Variants in IGF1R observed in about 807,000 individuals in gnomAD.
IGF1R encodes the protein insulin-like growth factor 1 receptor.
A neutral mutation model predicts 144.6 loss-of-function variants in IGF1R; 44 were observed. The observed-to-expected ratio is 0.30, with a 90% CI of 0.24 to 0.39. The LOEUF is 0.39. Ranked by LOEUF, IGF1R falls within the 10% of genes least tolerant of loss-of-function variation. The pLI is 1.00. For missense variants in IGF1R, 1,355 were observed against 1,833.7 expected, an observed-to-expected ratio of 0.74 and a Z score of 4.77; for synonymous variants, 795 against 722.8, an observed-to-expected ratio of 1.10 and a Z score of -1.60.
intron 2 of IGF1R, among the ~76,000 whole-genome samples, chr15:98,783,567 T>C (rs2055908692): frequency 6.6e-6 from 1 of 152,230 alleles, no homozygotes; most frequent in Non-Finnish European, 1.5e-5. Flanking sequence ...TCCATTTATT[T>C]AGTTTTTCTT....
At chr15:98,927,254 A>G (rs1020572018) in intron 13 of IGF1R, among the ~76,000 whole-genome samples, 3 of 151,976 alleles carry the variant, frequency 2.0e-5, no homozygotes, top group African/African-American at 7.3e-5. Context: ...GTCAGACAAG[A>G]CTCTGTCCTG....
At chr15:98,869,149 C>A (rs1320718518) in intron 2 of IGF1R, among the ~76,000 whole-genome samples, 12 of 151,970 alleles carry the variant, frequency 7.9e-5, no homozygotes, top group Admixed American at 7.9e-4. Flanking sequence ...TTCTTGTCAT[C>A]GTCTATTTAT....
In IGF1R at chr15:98,913,231, C is replaced by A. The variant is rs1367951678; in HGVS notation, c.1777C>A (p.His593Asn). ...GACCCTCACCATGGTGGAGAACGAC[C>A]ATATCCGTGGGGCCAAGAGTGAGAT... ...AVTLTMVEND[H>N]IRGAKSEILY... The change falls in exon 8 of 21, where the codon CAT becomes AAT. Residue 593 changes from histidine to asparagine, a missense_variant. By Grantham distance (68) the His-to-Asn change is moderately conservative. This residue lies in a region of IGF1R where 880 missense variants were observed against 1,202.7 expected (regional missense o/e 0.73). Transcript: ENST00000650285. 6.2e-7 allele frequency: 1 copy of A among 1,614,212 alleles called. No homozygotes were observed. Among genetic ancestry groups the A allele is most frequent in the African/African-American group, 1.3e-5 (1 of 75,062 alleles).
intron 2 of IGF1R, among the ~76,000 whole-genome samples, chr15:98,797,593 C>G (rs572951890): frequency 6.6e-6 from 1 of 152,312 alleles, no homozygotes; most frequent in South Asian, 2.1e-4. Context: ...CATGCACATG[C>G]ACCTGCAGGG....
At chr15:98,921,134 C>G (rs539402334) in intron 10 of IGF1R, among the ~76,000 whole-genome samples, 1 of 152,224 alleles carries the variant, frequency 6.6e-6, no homozygotes, top group African/African-American at 2.4e-5. Flanking sequence ...TGACCCCAGC[C>G]GAAGGCCTCA....
chr15:98,728,007 G>GT (rs10680958), intron 2 of IGF1R, among the ~76,000 whole-genome samples: 10,249 of 108,626 alleles, frequency 0.094, 920 homozygotes, highest in African/African-American at 0.22. Flanking sequence ...AAGATGCATT[G>GT]TTTTTTTTTT....
chr15:98,837,394 A>G (rs1278682172), intron 2 of IGF1R, among the ~76,000 whole-genome samples: 1 of 152,088 alleles, frequency 6.6e-6, no homozygotes, highest in Non-Finnish European at 1.5e-5. Context: ...GGCAGGCACC[A>G]CCACACCCAG....
intron 2 of IGF1R, among the ~76,000 whole-genome samples, chr15:98,882,898 G>GC (rs2013452030): frequency 6.6e-6 from 1 of 152,198 alleles, no homozygotes; most frequent in South Asian, 2.1e-4. Flanking sequence ...GTGTGGTCCA[G>GC]CCCCCTGACT....
intron 2 of IGF1R, among the ~76,000 whole-genome samples, chr15:98,823,906 GAGAA>G (rs1347629984): frequency 6.6e-6 from 1 of 152,160 alleles, no homozygotes; most frequent in Admixed American, 6.5e-5. Context: ...TATTCTGAGA[GAGAA>G]AGAGGGGGAA....
At chr15:98,902,475 T>C (rs2014532673) in intron 5 of IGF1R, among the ~76,000 whole-genome samples, 2 of 148,264 alleles carry the variant, frequency 1.3e-5, no homozygotes, top group South Asian at 4.3e-4. Context: ...TGGAGTGTAG[T>C]GGCGCTGTCT....
Position 98,916,975 on chromosome 15 carries a change from G to A in IGF1R, c.2201+99G>A, listed in dbSNP as rs56896394. 5 of 1,016,626 alleles carry A rather than the reference G, an allele frequency of 4.9e-6. 1 individual carries two copies. The African/African-American group carries it at 7.9e-5, about 16-fold the overall frequency. The allele number at this position is 1,016,626 out of a possible 1,614,324, so 63.0% of individuals were successfully genotyped here. On this transcript the variant is annotated intron_variant, in intron 10 of 20. Coordinates refer to ENST00000650285, the MANE Select transcript of IGF1R (RefSeq NM_000875.5). ...AGGTAGTGTGTAAGTCAGCAGCTGG[G>A]GGGTACAATACAGTAGCCACTGAGA...
chr15:98,743,351 G>A (rs1341293830), intron 2 of IGF1R, among the ~76,000 whole-genome samples: 1 of 152,154 alleles, frequency 6.6e-6, no homozygotes, highest in Non-Finnish European at 1.5e-5. Flanking sequence ...CTGGGCCAGT[G>A]AGTCACTCAT....
At chr15:98,867,214 A>G (rs1196468628) in intron 2 of IGF1R, among the ~76,000 whole-genome samples, 1 of 152,134 alleles carries the variant, frequency 6.6e-6, no homozygotes, top group Non-Finnish European at 1.5e-5. Context: ...CTTTAGGAAT[A>G]GATGATCCGT....
intron 2 of IGF1R, among the ~76,000 whole-genome samples, chr15:98,846,460 C>T (rs1305273022): frequency 6.6e-6 from 1 of 152,208 alleles, no homozygotes; most frequent in African/African-American, 2.4e-5. Context: ...GGGCCTGTAA[C>T]TCCAACTACA....
intron 1 of IGF1R, among the ~76,000 whole-genome samples, chr15:98,659,577 G>C (rs543568864): frequency 6.6e-6 from 1 of 152,162 alleles, no homozygotes; most frequent in Non-Finnish European, 1.5e-5. Context: ...TTGGATTAAG[G>C]TTACTCTACT....
intron 2 of IGF1R, among the ~76,000 whole-genome samples, chr15:98,741,672 T>G (rs2054749100): frequency 6.6e-6 from 1 of 152,218 alleles, no homozygotes. Context: ...TTTCTTCTTC[T>G]GTAGAGTCTT....
intron 1 of IGF1R, among the ~76,000 whole-genome samples, chr15:98,687,643 C>G (rs1180836959): frequency 6.6e-6 from 1 of 152,086 alleles, no homozygotes; most frequent in East Asian, 1.9e-4. Context: ...AGGGCTAGAC[C>G]AGGGTCCAGC....
At chr15:98,718,817 C>T (rs1199998468) in intron 2 of IGF1R, among the ~76,000 whole-genome samples, 1 of 152,166 alleles carries the variant, frequency 6.6e-6, no homozygotes, top group African/African-American at 2.4e-5. Flanking sequence ...AGAAATACTT[C>T]CTGGGCAGCC....
At chr15:98,746,645 A>G (rs1230346402) in intron 2 of IGF1R, among the ~76,000 whole-genome samples, 2 of 152,214 alleles carry the variant, frequency 1.3e-5, no homozygotes, top group Non-Finnish European at 2.9e-5. Context: ...TTTCCAGACA[A>G]CATGAACTTG....
Sources: gnomAD v4.1 joint callset for allele counts (sites outside exome capture counted in the v4.1 genomes callset) on GRCh38, gnomAD v4.1.1 for gene constraint, gnomAD v4.1.1 regional missense constraint, MANE v1.5 for transcripts, NCBI Gene and HGNC (gene_info 2026-07-23, HGNC 2026-07-21) for gene names.